The following CPAP variants were observed in gnomAD, a reference collection of about 807,000 sequenced individuals.
The protein encoded by CPAP is centrosome assembly and centriole elongation protein, also known as centrosomal P4.1-associated protein.
the CPAP span, chr13:24,885,187 G>A: frequency 2.3e-6 from 2 of 875,086 alleles, no homozygotes; most frequent in Non-Finnish European, 3.7e-6. Context: ...CTTGTCCAAA[G>A]AGCCCTTATT....
chr13:24,918,063 T>G, the CPAP span, among the ~76,000 whole-genome samples: 9 of 152,212 alleles, frequency 5.9e-5, no homozygotes, highest in Non-Finnish European at 1.2e-4. Flanking sequence ...AGGAATTAAG[T>G]TGAAATGTTT....
At chr13:24,892,839 C>T in the CPAP span, 13 of 1,611,486 alleles carry the variant, frequency 8.1e-6, no homozygotes, top group African/African-American at 1.2e-4. Context: ...CAAATCTTCC[C>T]GTAAATCTGC....
At chr13:24,885,154 C>T in the CPAP span, 9 of 697,432 alleles carry the variant, frequency 1.3e-5, no homozygotes, top group East Asian at 2.7e-5. Context: ...AATCTCTGAA[C>T]GAGAAATGGC....
the CPAP span, chr13:24,884,096 T>C: frequency 5.8e-6 from 2 of 346,032 alleles, no homozygotes; most frequent in Non-Finnish European, 8.1e-6. Context: ...GTTTAAAAAG[T>C]TGTTACAGTA....
the CPAP span, among the ~76,000 whole-genome samples, chr13:24,929,205 A>C: frequency 4.6e-5 from 7 of 152,204 alleles, no homozygotes; most frequent in Non-Finnish European, 1.0e-4. Context: ...CTGGGACCAC[A>C]GGCATGTGCC....
the CPAP span, chr13:24,903,969 C>T: frequency 2.9e-5 from 47 of 1,613,994 alleles, no homozygotes; most frequent in Non-Finnish European, 3.7e-5. Flanking sequence ...CGAAGTTTAG[C>T]TAAAGATGCG....
chr13:24,932,992 G>C, the CPAP span: 4 of 1,559,100 alleles, frequency 2.6e-6, no homozygotes, highest in Non-Finnish European at 3.5e-6. Context: ...TAAAAACTTT[G>C]TTTCCTACAG....
the CPAP span, among the ~76,000 whole-genome samples, chr13:24,929,121 T>C: frequency 2.6e-5 from 4 of 152,222 alleles, no homozygotes; most frequent in African/African-American, 9.7e-5. Context: ...TGGAGGGCAG[T>C]GGCATAATCA....
chr13:24,883,261 G>GT, the CPAP span: 1 of 1,613,876 alleles, frequency 6.2e-7, no homozygotes, highest in Non-Finnish European at 8.5e-7. Flanking sequence ...CTTGATGACC[G>GT]TTTGCATATA....
At chr13:24,918,031 G>T in the CPAP span, among the ~76,000 whole-genome samples, 2 of 152,172 alleles carry the variant, frequency 1.3e-5, no homozygotes, top group African/African-American at 2.4e-5. Flanking sequence ...AGGAGTTTTG[G>T]AGCGGACAGT....
the CPAP span, among the ~76,000 whole-genome samples, chr13:24,893,253 A>G: frequency 6.6e-6 from 1 of 152,262 alleles, no homozygotes; most frequent in Non-Finnish European, 1.5e-5. Context: ...GAGCTAAAGA[A>G]TAAAAGATTC....
At chr13:24,926,331 G>A in the CPAP span, among the ~76,000 whole-genome samples, 1 of 152,134 alleles carries the variant, frequency 6.6e-6, no homozygotes. Context: ...AGCTAGCAGA[G>A]CCTGGGTCTC....
the CPAP span, chr13:24,905,919 C>T: frequency 6.2e-7 from 1 of 1,614,082 alleles, no homozygotes; most frequent in Non-Finnish European, 8.5e-7. Context: ...AGCTGTTCCT[C>T]AGAGTCAGTG....
chr13:24,906,478 T>A, the CPAP span: 13,942 of 1,614,184 alleles, frequency 8.6e-3, 941 homozygotes, highest in African/African-American at 0.16. Flanking sequence ...CTTTACCTTG[T>A]GTCTTATTCC....
At chr13:24,894,501 T>C in the CPAP span, among the ~76,000 whole-genome samples, 20,732 of 152,164 alleles carry the variant, frequency 0.14, 1,608 homozygotes, top group East Asian at 0.32. Context: ...GTCAGTGCCA[T>C]AGAATGACCG....
chr13:24,913,067 T>C, the CPAP span: 1 of 1,559,694 alleles, frequency 6.4e-7, no homozygotes, highest in Non-Finnish European at 8.8e-7. Flanking sequence ...ATGCAAAGGC[T>C]AGAAGAGCTA....
the CPAP span, chr13:24,912,528 A>G: frequency 6.9e-7 from 1 of 1,447,218 alleles, no homozygotes; most frequent in Non-Finnish European, 9.7e-7. Context: ...ACTTTATTAC[A>G]TAAACAGAAA....
chr13:24,897,461 T>C, the CPAP span, among the ~76,000 whole-genome samples: 1 of 152,212 alleles, frequency 6.6e-6, no homozygotes, highest in African/African-American at 2.4e-5. Flanking sequence ...TCAGTAGCCA[T>C]GTGCTGAATG....
At chr13:24,903,010 A>T in the CPAP span, among the ~76,000 whole-genome samples, 10 of 152,248 alleles carry the variant, frequency 6.6e-5, no homozygotes, top group Admixed American at 2.6e-4. Flanking sequence ...AAAAAGTACT[A>T]GTATGTTCCT....
Sources: allele counts gnomAD v4.1 joint callset (sites outside exome capture counted in the v4.1 genomes callset), GRCh38; gene constraint gnomAD v4.1.1; transcripts MANE v1.5; gene names NCBI Gene and HGNC (gene_info 2026-07-23, HGNC 2026-07-21).